XXYLT1: variants seen among roughly 807,000 people sequenced by gnomAD.
XXYLT1 encodes UDP-xylose:alpha-xyloside alpha-1,3-xylosyltransferase.
A neutral mutation model predicts 28.9 loss-of-function variants in XXYLT1; 20 were observed. That is an observed-to-expected ratio of 0.69 (90% CI 0.49 to 1.00). The LOEUF (loss-of-function observed/expected upper bound fraction) is 1.00. XXYLT1 is among the 50% of genes least tolerant of loss of function. The pLI is 0.00. For missense variants in XXYLT1, 542 were observed against 560.1 expected, an observed-to-expected ratio of 0.97 and a Z score of 0.33; for synonymous variants, 257 against 253.8, an observed-to-expected ratio of 1.01 and a Z score of -0.12.
At chr3:195,120,603 T>TC (rs1577052593) in intron 3 of XXYLT1, among the ~76,000 whole-genome samples, 1 of 152,296 alleles carries the variant, frequency 6.6e-6, no homozygotes, top group Non-Finnish European at 1.5e-5. Context: ...ACCCCTGTAT[T>TC]CCCATGACTA....
chr3:195,254,708 G>A (rs182440149), intron 1 of XXYLT1, among the ~76,000 whole-genome samples: 302 of 152,372 alleles, frequency 2.0e-3, no homozygotes, highest in African/African-American at 7.0e-3. Flanking sequence ...CAGCCACCAA[G>A]GGTGGGACAC....
At chr3:195,106,489 C>G (rs936427644) in intron 3 of XXYLT1, among the ~76,000 whole-genome samples, 1 of 152,276 alleles carries the variant, frequency 6.6e-6, no homozygotes, top group Non-Finnish European at 1.5e-5. Flanking sequence ...GCGGTGTCTA[C>G]GCCGGGCTCG....
chr3:195,079,949 T>A (rs1291183901), intron 3 of XXYLT1, among the ~76,000 whole-genome samples: 1 of 152,060 alleles, frequency 6.6e-6, no homozygotes, highest in Non-Finnish European at 1.5e-5. Flanking sequence ...CTGGAGGGCC[T>A]GGCGTGGGCA....
rs147259266 is a variant in XXYLT1, at chr3:195,096,465, C to T, written c.786-26354G>A. On this transcript the variant is annotated intron_variant, in intron 3 of 3. Transcript: ENST00000310380. ...CACTTACATAATACACATGCACATACGCACACGTGTACGTAACAGACGCAC... is the reference window on the plus strand; with the variant it reads ...CACTTACATAATACACATGCACATATGCACACGTGTACGTAACAGACGCAC... Among the ~76,000 whole-genome samples the T allele has an allele frequency of 1.4e-3, 217 of 152,298 alleles. 1 individual carries two copies. The highest frequency in any genetic ancestry group is 4.7e-3 in the African/African-American group (194 of 41,556).
At chr3:195,219,432 G>C (rs1221292370) in intron 2 of XXYLT1, among the ~76,000 whole-genome samples, 1 of 152,188 alleles carries the variant, frequency 6.6e-6, no homozygotes, top group East Asian at 1.9e-4. Flanking sequence ...TATTTTAAAG[G>C]CTTTCTGCAA....
chr3:195,244,133 C>G lies in XXYLT1; in HGVS notation c.505-17277G>C, dbSNP rs368981680. ...TGCAATGAACGTTCTAGGACTCCTG[C>G]AAGATTGCCATTGTGTCAGCAGAGA... On this transcript the variant is annotated intron_variant, in intron 1 of 3. Coordinates refer to ENST00000310380, the MANE Select transcript of XXYLT1 (RefSeq NM_152531.5). Among the ~76,000 whole-genome samples the G allele has an allele frequency of 1.2e-3, 186 of 152,312 alleles. 1 individual carries two copies. The highest frequency in any genetic ancestry group is 4.4e-3 in the African/African-American group (181 of 41,568).
chr3:195,125,302 C>T (rs976906921), intron 3 of XXYLT1, among the ~76,000 whole-genome samples: 1 of 152,232 alleles, frequency 6.6e-6, no homozygotes, highest in African/African-American at 2.4e-5. Flanking sequence ...CGACCTTCGA[C>T]CAAACAGTCC....
chr3:195,116,650 G>A (rs1001301132), intron 3 of XXYLT1, among the ~76,000 whole-genome samples: 3 of 152,148 alleles, frequency 2.0e-5, no homozygotes, highest in Non-Finnish European at 4.4e-5. Context: ...ACCCTGGGAC[G>A]CTTGGGAGAA....
At chr3:195,119,740 A>T (rs1422333753) in intron 3 of XXYLT1, among the ~76,000 whole-genome samples, 1 of 152,226 alleles carries the variant, frequency 6.6e-6, no homozygotes, top group Non-Finnish European at 1.5e-5. Context: ...CTTTTGTTCC[A>T]TACGGCACAA....
At chr3:195,237,088 C>A (rs1420958296) in intron 1 of XXYLT1, among the ~76,000 whole-genome samples, 1 of 152,200 alleles carries the variant, frequency 6.6e-6, no homozygotes, top group Non-Finnish European at 1.5e-5. Flanking sequence ...CCCTGAGCCA[C>A]CCTGGCTGGT....
chr3:195,081,432 C>A (rs192648610), intron 3 of XXYLT1, among the ~76,000 whole-genome samples: 1 of 152,226 alleles, frequency 6.6e-6, no homozygotes, highest in Admixed American at 6.5e-5. Context: ...CTTACAGGTG[C>A]CAGGAGGGAG....
chr3:195,154,747 A>G (rs1190209095), intron 3 of XXYLT1, among the ~76,000 whole-genome samples: 1 of 152,216 alleles, frequency 6.6e-6, no homozygotes, highest in African/African-American at 2.4e-5. Context: ...TCCCAAGTGT[A>G]CTTTATTTCC....
chr3:195,103,414 ACGCCAGCGGCC>A (rs2108680163), intron 3 of XXYLT1, among the ~76,000 whole-genome samples: 1 of 150,974 alleles, frequency 6.6e-6, no homozygotes, highest in East Asian at 1.9e-4. Flanking sequence ...CCATCACCCC[ACGCCAGCGGCC>A]TGCGTCCATC....
At position 195,088,345 on chromosome 3, in the gene XXYLT1, G is replaced by A. The variant is rs570235640; in HGVS notation, c.786-18234C>T. Among the ~76,000 whole-genome samples the A allele has an allele frequency of 1.6e-4, 24 of 148,720 alleles. No individual in the cohort carries two copies. The East Asian group carries it at 2.9e-3, about 18-fold the overall frequency. Reference sequence around the variant, plus strand: ...GCACGCAGCTGGAGATCTGAGAACGGGCAGACTGCCTCCTCAAGTGGGTCC... The same window carrying A: ...GCACGCAGCTGGAGATCTGAGAACGAGCAGACTGCCTCCTCAAGTGGGTCC... On this transcript the variant is annotated intron_variant, in intron 3 of 3. Coordinates refer to ENST00000310380, the MANE Select transcript of XXYLT1 (RefSeq NM_152531.5).
intron 3 of XXYLT1, among the ~76,000 whole-genome samples, chr3:195,101,793 T>G (rs1208837083): frequency 8.0e-6 from 1 of 125,772 alleles, no homozygotes; most frequent in East Asian, 2.2e-4. Context: ...AGACCCTATC[T>G]CTATTGAAAA....
chr3:195,217,045 G>C (rs1415667138), intron 2 of XXYLT1, among the ~76,000 whole-genome samples: 1 of 136,588 alleles, frequency 7.3e-6, no homozygotes, highest in Admixed American at 7.1e-5. Flanking sequence ...CATGTAAACA[G>C]AGCCAAAGAC....
At chr3:195,146,529 C>A (rs1298082379) in intron 3 of XXYLT1, among the ~76,000 whole-genome samples, 2 of 152,350 alleles carry the variant, frequency 1.3e-5, no homozygotes, top group African/African-American at 4.8e-5. Flanking sequence ...GCCAAACCCT[C>A]GGCAAATGCC....
chr3:195,100,476 G>A (rs1192246715), intron 3 of XXYLT1, among the ~76,000 whole-genome samples: 1 of 152,050 alleles, frequency 6.6e-6, no homozygotes, highest in Non-Finnish European at 1.5e-5. Flanking sequence ...CTGGCATCAG[G>A]CTAATGTCAT....
intron 3 of XXYLT1, among the ~76,000 whole-genome samples, chr3:195,081,722 A>C (rs1715445030): frequency 6.6e-6 from 1 of 152,228 alleles, no homozygotes; most frequent in Non-Finnish European, 1.5e-5. Flanking sequence ...CAATACATTC[A>C]GATGAGATAA....
Sources: gnomAD v4.1 joint callset for allele counts (sites outside exome capture counted in the v4.1 genomes callset) on GRCh38, gnomAD v4.1.1 for gene constraint, MANE v1.5 for transcripts, NCBI Gene and HGNC (gene_info 2026-07-23, HGNC 2026-07-21) for gene names.